Variants in LRRC7 observed in about 807,000 individuals in gnomAD.
The protein encoded by LRRC7 is leucine-rich repeat-containing protein 7.
A neutral mutation model predicts 175.7 loss-of-function variants in LRRC7; 23 were observed. That is an observed-to-expected ratio of 0.13 (90% CI 0.09 to 0.19). LRRC7 has a LOEUF of 0.19. Ranked by LOEUF, LRRC7 falls within the 10% of genes least tolerant of loss-of-function variation. The pLI, the probability that LRRC7 is intolerant of heterozygous loss-of-function variation, is 1.00. For missense variants in LRRC7, 1,354 were observed against 1,904.7 expected (o/e 0.71, Z 5.38); for synonymous variants, 685 against 680.9 (o/e 1.01, Z -0.09).
At position 70,020,995 on chromosome 1, in the gene LRRC7, C is replaced by A; in HGVS notation, c.1421-10C>A. ...TAAAAAAACAATAATACTTTGGAATCTAACTGTAGATTTCCAGTCAGACAG... is the reference window on the plus strand; with the variant it reads ...TAAAAAAACAATAATACTTTGGAATATAACTGTAGATTTCCAGTCAGACAG... On this transcript the variant is annotated splice_polypyrimidine_tract_variant and intron_variant, in intron 15 of 26. Transcript: ENST00000651989. 1.3e-6 allele frequency: 2 copies of A among 1,593,640 alleles called. No homozygotes were observed. Among genetic ancestry groups the A allele is most frequent in the East Asian group, 2.2e-5 (1 of 44,492 alleles).
At chr1:70,069,166 C>A (rs1350341518) in intron 23 of LRRC7, among the ~76,000 whole-genome samples, 1 of 152,142 alleles carries the variant, frequency 6.6e-6, no homozygotes, top group Non-Finnish European at 1.5e-5. Flanking sequence ...AAATACCCAA[C>A]ACTGGGTAAT....
At chr1:69,934,758 G>A (rs930142362) in intron 8 of LRRC7, among the ~76,000 whole-genome samples, 11 of 152,076 alleles carry the variant, frequency 7.2e-5, no homozygotes, top group African/African-American at 2.2e-4. Flanking sequence ...TTAGGCTGAT[G>A]TATGGAACCA....
chr1:69,602,276 G>A lies in LRRC7; in HGVS notation c.2+33635G>A, dbSNP rs181299384. 4.6e-5 allele frequency among the ~76,000 whole-genome samples: 7 copies of A among 152,072 alleles called. No individual in the cohort carries two copies. The East Asian group carries it at 7.7e-4, about 17-fold the overall frequency. Reference sequence around the variant, plus strand: ...TTTTTTTACACTTCCATAGTCAACCGACGGTATTAATGACAAAAGTAACAT... The same window carrying A: ...TTTTTTTACACTTCCATAGTCAACCAACGGTATTAATGACAAAAGTAACAT... On this transcript the variant is annotated intron_variant, in intron 1 of 26. Coordinates refer to ENST00000651989, the MANE Select transcript of LRRC7 (RefSeq NM_001370785.2).
At chr1:69,732,270 A>AT (rs1667660355) in intron 2 of LRRC7, among the ~76,000 whole-genome samples, 1 of 152,038 alleles carries the variant, frequency 6.6e-6, no homozygotes, top group East Asian at 1.9e-4. Flanking sequence ...GCAAAAAAAG[A>AT]TTTTTTAAAG....
chr1:69,853,799 TC>T (rs984851413), intron 7 of LRRC7, among the ~76,000 whole-genome samples: 1 of 152,140 alleles, frequency 6.6e-6, no homozygotes, highest in Non-Finnish European at 1.5e-5. Context: ...AAATCTGAAA[TC>T]CTTGCTTCGG....
chr1:69,828,845 T>C (rs1680221329), intron 5 of LRRC7, among the ~76,000 whole-genome samples: 1 of 151,958 alleles, frequency 6.6e-6, no homozygotes. Context: ...AAACTTAGAA[T>C]TTTATATGGT....
At chr1:70,058,399 C>G (rs1331122539) in intron 23 of LRRC7, among the ~76,000 whole-genome samples, 1 of 152,126 alleles carries the variant, frequency 6.6e-6, no homozygotes, top group African/African-American at 2.4e-5. Context: ...TCTGACACCC[C>G]AAAATTCCAG....
chr1:69,606,537 A>T (rs945678880), intron 1 of LRRC7, among the ~76,000 whole-genome samples: 1 of 152,164 alleles, frequency 6.6e-6, no homozygotes, highest in African/African-American at 2.4e-5. Context: ...ATGTCACTGT[A>T]ATATGCATTT....
intron 11 of LRRC7, among the ~76,000 whole-genome samples, chr1:70,009,594 T>C (rs952335816): frequency 6.6e-6 from 1 of 152,190 alleles, no homozygotes. Flanking sequence ...CTGTGCTAAG[T>C]TCTTAATAAC....
rs577633789 is a variant in LRRC7, at chr1:69,762,577, G to T, written c.303+2184G>T. 3.9e-5 allele frequency among the ~76,000 whole-genome samples: 6 copies of T among 151,948 alleles called. No individual in the cohort carries two copies. In the East Asian group the frequency reaches 9.7e-4, roughly 25 times the overall value. On this transcript the variant is annotated intron_variant, in intron 3 of 26. Transcript: ENST00000651989. ...TCTGGAACTGCAGGTGCATGGATGT[G>T]GATGGGGGCAATATGTAGGGAGACT... is the stretch of plus-strand genomic sequence containing the variant.
chr1:69,699,483 T>C (rs1296631617), intron 2 of LRRC7, among the ~76,000 whole-genome samples: 1 of 152,068 alleles, frequency 6.6e-6, no homozygotes, highest in Non-Finnish European at 1.5e-5. Context: ...GAGGTTGCAG[T>C]GAGCCAAGAT....
At chr1:69,968,080 T>G (rs1424528387) in intron 8 of LRRC7, among the ~76,000 whole-genome samples, 1 of 151,976 alleles carries the variant, frequency 6.6e-6, no homozygotes, top group Non-Finnish European at 1.5e-5. Flanking sequence ...GGGAGAAATA[T>G]TCAATGAAAT....
intron 23 of LRRC7, among the ~76,000 whole-genome samples, chr1:70,073,436 G>A (rs1427938594): frequency 1.3e-5 from 2 of 152,088 alleles, no homozygotes; most frequent in Non-Finnish European, 2.9e-5. Context: ...GGGCGACAGA[G>A]TAAGACTCTG....
chr1:69,626,083 G>C lies in LRRC7; in HGVS notation c.3-52298G>C, dbSNP rs564874771. On this transcript the variant is annotated intron_variant, in intron 1 of 26. Transcript: ENST00000651989. ...TAAACTTTTACTTAACTTGTATGAG[G>C]CTCCATTATTAGTTATGTAACATCT... 3.1e-3 allele frequency among the ~76,000 whole-genome samples: 469 copies of C among 152,068 alleles called. 3 individuals carry two copies. Among genetic ancestry groups the C allele is most frequent in the African/African-American group, 0.011 (446 of 41,482 alleles).
chr1:70,063,118 C>T (rs914293884), intron 23 of LRRC7, among the ~76,000 whole-genome samples: 5 of 152,052 alleles, frequency 3.3e-5, no homozygotes, highest in Admixed American at 2.6e-4. Context: ...TGTCCTCATC[C>T]AGTCTCACTC....
intron 7 of LRRC7, among the ~76,000 whole-genome samples, chr1:69,853,912 G>A (rs1308339592): frequency 6.6e-6 from 1 of 152,068 alleles, no homozygotes; most frequent in Non-Finnish European, 1.5e-5. Flanking sequence ...ACCTTGTAAA[G>A]CCTGGCAGAT....
chr1:69,882,655 G>A (rs1218506362), intron 7 of LRRC7, among the ~76,000 whole-genome samples: 2 of 146,872 alleles, frequency 1.4e-5, no homozygotes, highest in African/African-American at 2.5e-5. Context: ...GGGTACATGT[G>A]CACATTGTGC....
At chr1:69,935,729 G>A (rs571975368) in intron 8 of LRRC7, among the ~76,000 whole-genome samples, 7 of 152,112 alleles carry the variant, frequency 4.6e-5, no homozygotes, top group Non-Finnish European at 1.0e-4. Context: ...ATCCTTTGTT[G>A]TCTGTAGGTA....
At chr1:69,866,028 G>A (rs776357280) in intron 7 of LRRC7, among the ~76,000 whole-genome samples, 7 of 152,178 alleles carry the variant, frequency 4.6e-5, no homozygotes, top group Non-Finnish European at 1.0e-4. Context: ...CATTGGGCAA[G>A]ATGAAACATT....
Sources: gnomAD v4.1 joint callset for allele counts (sites outside exome capture counted in the v4.1 genomes callset) on GRCh38, gnomAD v4.1.1 for gene constraint, MANE v1.5 for transcripts, NCBI Gene and HGNC (gene_info 2026-07-23, HGNC 2026-07-21) for gene names.